The following PREX1 variants were observed in gnomAD, a reference collection of about 807,000 sequenced individuals.
PREX1 encodes phosphatidylinositol 3,4,5-trisphosphate-dependent Rac exchanger 1 protein.
PREX1 carries 41 observed loss-of-function variants against 198.3 expected under a neutral mutation model. The ratio of observed to expected loss-of-function variants is 0.21; its 90% CI spans 0.16 to 0.27. The LOEUF (loss-of-function observed/expected upper bound fraction) is 0.27, where lower values mean the gene tolerates loss of function less well. PREX1 is among the 10% of genes least tolerant of loss of function. The pLI, the probability that PREX1 is intolerant of heterozygous loss-of-function variation, is 1.00. For synonymous variants in PREX1, 843 were observed against 887.2 expected, an observed-to-expected ratio of 0.95 and a Z score of 0.89; for missense variants, 1,620 against 2,200.7, an observed-to-expected ratio of 0.74 and a Z score of 5.28.
At chr20:48,882,359 G>A in the PREX1 span, among the ~76,000 whole-genome samples, 12 of 151,746 alleles carry the variant, frequency 7.9e-5, no homozygotes, top group East Asian at 1.2e-3. Flanking sequence ...AAAATTAGCC[G>A]GGTGTGGTGG....
intron 15 of PREX1, among the ~76,000 whole-genome samples, chr20:48,660,481 A>AG (rs998177224): frequency 1.4e-5 from 2 of 147,280 alleles, no homozygotes; most frequent in African/African-American, 4.8e-5. Context: ...TGACTTGCCC[A>AG]GGGGGGAAAA....
chr20:48,649,291 A>G lies in PREX1; in HGVS notation c.3305+9T>C. 1 of 1,608,922 alleles carries G rather than the reference A, an allele frequency of 6.2e-7. No individual in the cohort carries two copies. The highest frequency in any genetic ancestry group is 1.1e-5 in the South Asian group (1 of 90,884). On this transcript the variant is annotated intron_variant, in intron 25 of 39. Transcript: ENST00000371941. ...CTGCTCACGCCGGACACCCCCGGCC[A>G]GCGCTCACCTGTTGATCTGGGTGAC...
chr20:48,700,079 C>T (rs2089866159), intron 7 of PREX1, among the ~76,000 whole-genome samples: 1 of 152,234 alleles, frequency 6.6e-6, no homozygotes, highest in South Asian at 2.1e-4. Context: ...CCTCCATCTA[C>T]CTACTCAGCC....
chr20:48,707,934 C>A (rs1377717387), intron 6 of PREX1, among the ~76,000 whole-genome samples: 3 of 151,864 alleles, frequency 2.0e-5, no homozygotes, highest in African/African-American at 7.3e-5. Context: ...ATCAACAGCT[C>A]AAAGGCCTCC....
the PREX1 span, among the ~76,000 whole-genome samples, chr20:48,872,502 G>A: frequency 3.3e-5 from 5 of 152,134 alleles, no homozygotes; most frequent in African/African-American, 1.2e-4. Context: ...TCAGCACTTG[G>A]GGAGGCCGAG....
At chr20:48,794,601 G>A (rs1247674765) in intron 1 of PREX1, among the ~76,000 whole-genome samples, 1 of 152,220 alleles carries the variant, frequency 6.6e-6, no homozygotes, top group African/African-American at 2.4e-5. Context: ...GGCAGCCTCT[G>A]CAGAGGAGGA....
At chr20:48,854,001 C>T in the PREX1 span, among the ~76,000 whole-genome samples, 2 of 152,222 alleles carry the variant, frequency 1.3e-5, no homozygotes, top group South Asian at 2.1e-4. Flanking sequence ...CCTCTCAGGA[C>T]GTCACTGCAA....
At chr20:48,819,071 A>G (rs575919391) in intron 1 of PREX1, among the ~76,000 whole-genome samples, 27 of 152,264 alleles carry the variant, frequency 1.8e-4, no homozygotes, top group Admixed American at 1.4e-3. Flanking sequence ...GGGACGGTAC[A>G]CCCATTCCTC....
rs2089800313 is a variant in PREX1, at chr20:48,688,800, C to T, written c.1191G>A (p.Leu397=). ...IIREREQRES[L]KLGMERDAYV... ...AGGCATCACGCTCCATGCCCAGCTT[C>T]AGGCCTACACAGGGGCACGGTCAGC... The change falls in exon 10 of 40, where the codon CTG becomes CTA. Residue 397 remains leucine (L), a synonymous_variant. Transcript: ENST00000371941. The T allele has an allele frequency of 9.9e-6, 16 of 1,614,140 alleles. No individual in the cohort carries two copies. Among genetic ancestry groups the T allele is most frequent in the Non-Finnish European group, 1.3e-5 (15 of 1,180,008 alleles).
the PREX1 span, among the ~76,000 whole-genome samples, chr20:48,857,820 G>T: frequency 6.6e-6 from 1 of 152,304 alleles, no homozygotes; most frequent in Non-Finnish European, 1.5e-5. Context: ...TTTAGTGGTG[G>T]TCAGTGAAGG....
At chr20:48,630,835 C>A in intron 35 of PREX1, 41 bp from the exon 36 acceptor site, 1 of 1,437,596 alleles carries the variant, frequency 7.0e-7, no homozygotes, top group Non-Finnish European at 9.8e-7. Flanking sequence ...GCCACCACAC[C>A]CACCATCCTC....
At chr20:48,829,533 T>C (rs2090530888), upstream of PREX1, among the ~76,000 whole-genome samples, 1 of 152,076 alleles carries the variant, frequency 6.6e-6, no homozygotes, top group South Asian at 2.1e-4. Flanking sequence ...TTGGGCTGAG[T>C]GAAGTTCCCC....
At chr20:48,702,002 G>A (rs1209151420) in intron 6 of PREX1, among the ~76,000 whole-genome samples, 1 of 152,130 alleles carries the variant, frequency 6.6e-6, no homozygotes, top group Non-Finnish European at 1.5e-5. Context: ...CCTGAGGTCA[G>A]AAGTTCAAGA....
At chr20:48,869,791 C>A in the PREX1 span, among the ~76,000 whole-genome samples, 2 of 152,010 alleles carry the variant, frequency 1.3e-5, no homozygotes, top group Non-Finnish European at 2.9e-5. Flanking sequence ...GGGAGTTGAA[C>A]AACAAGAACA....
the PREX1 span, among the ~76,000 whole-genome samples, chr20:48,848,118 G>A: frequency 6.6e-6 from 1 of 152,206 alleles, no homozygotes; most frequent in Admixed American, 6.5e-5. Context: ...ATACTTAGGA[G>A]TGGGATAACT....
intron 1 of PREX1, among the ~76,000 whole-genome samples, chr20:48,789,219 A>G (rs573766060): frequency 5.9e-5 from 9 of 152,296 alleles, no homozygotes; most frequent in Non-Finnish European, 1.3e-4. Flanking sequence ...CTCCAATGTC[A>G]TGGAAGGTTC....
chr20:48,862,788 A>ATATAT, the PREX1 span, among the ~76,000 whole-genome samples: 743 of 49,740 alleles, frequency 0.015, 8 homozygotes, highest in African/African-American at 0.067. Flanking sequence ...CCTAAAAAAA[A>ATATAT]AAATATATAT....
rs1161038499 is a variant in PREX1 at position 48,634,820 on chromosome 20, G to GC, written c.4168-46dup. The GC allele has an allele frequency of 2.6e-6, 4 of 1,548,574 alleles. No homozygotes were observed. In the African/African-American group the frequency reaches 5.4e-5, roughly 21 times the overall value. On this transcript the variant is annotated intron_variant, in intron 32 of 39. Transcript: ENST00000371941. The stretch of plus-strand genomic sequence containing the variant: ...CGGAGGAGTCTCAGATGCCAACCCT[G>GC]CCCCAGGGTTTCCTATCAAGATGCT...
rs1324486729 is a variant in PREX1, at chr20:48,639,787, T to G, written c.3883A>C (p.Asn1295His). 6.2e-7 allele frequency: 1 copy of G among 1,614,072 alleles called. No homozygotes were observed. Among genetic ancestry groups the G allele is most frequent in the Non-Finnish European group, 8.5e-7 (1 of 1,179,964 alleles). The change falls in exon 30 of 40, where the codon AAC becomes CAC. Residue 1295 changes from asparagine (N) to histidine (H), a missense_variant. Asn to His is a moderately conservative substitution (Grantham distance 68, BLOSUM62 1). Coordinates refer to ENST00000371941, the MANE Select transcript of PREX1 (RefSeq NM_020820.4). ...LPNSIKTLVD[N>H]IQRYVEDGKN... is the part of the protein sequence containing the mutation. ...CGACCTTCCACATATCTCTGAATGT[T>G]GTCCACCAGGGTCTTGATGGAGTTG...
Sources: gnomAD v4.1 joint callset for allele counts (sites outside exome capture counted in the v4.1 genomes callset) on GRCh38, gnomAD v4.1.1 for gene constraint, MANE v1.5 for transcripts, NCBI Gene and HGNC (gene_info 2026-07-23, HGNC 2026-07-21) for gene names.